The following PLXNC1 variants were observed in gnomAD, a reference collection of about 807,000 sequenced individuals.
The protein encoded by PLXNC1 is plexin-C1.
PLXNC1 carries 75 observed loss-of-function variants against 178.2 expected under a neutral mutation model. The observed-to-expected ratio is 0.42, with a 90% CI of 0.35 to 0.51. PLXNC1 has a LOEUF of 0.51. Ranked by LOEUF, PLXNC1 falls within the 20% of genes least tolerant of loss-of-function variation. PLXNC1 has a pLI of 0.02. For synonymous variants in PLXNC1, 790 were observed against 779.9 expected, an observed-to-expected ratio of 1.01 and a Z score of -0.22; for missense variants, 1,503 against 1,984.4, an observed-to-expected ratio of 0.76 and a Z score of 4.61.
intron 17 of PLXNC1, among the ~76,000 whole-genome samples, chr12:94,257,707 C>T (rs1424772952): frequency 5.9e-5 from 9 of 151,696 alleles, no homozygotes; most frequent in Admixed American, 3.9e-4. Flanking sequence ...GAGATCAAGA[C>T]CATCCTGGCT....
At chr12:94,210,526 T>C (rs1309915071) in intron 5 of PLXNC1, among the ~76,000 whole-genome samples, 3 of 152,202 alleles carry the variant, frequency 2.0e-5, no homozygotes, top group East Asian at 3.9e-4. Flanking sequence ...TGTGTTCTGT[T>C]TGAATGCCAT....
In PLXNC1 at chr12:94,150,045, C is replaced by G; in HGVS notation, c.1062+12C>G. 6.4e-7 allele frequency: 1 copy of G among 1,553,552 alleles called. No individual in the cohort carries two copies. Among genetic ancestry groups the G allele is most frequent in the South Asian group, 1.2e-5 (1 of 83,948 alleles). On this transcript the variant is annotated intron_variant, in intron 1 of 30. Coordinates refer to ENST00000258526, the MANE Select transcript of PLXNC1 (RefSeq NM_005761.3). ...CCGAGAGCCACTGCGTAAGTCCTGC[C>G]CCCGGGGCGCCGCGGAGAGCGCTGC...
In PLXNC1 at chr12:94,307,163, G is replaced by A. The variant is rs1969124691; in HGVS notation, c.*1878G>A. The A allele has an allele frequency of 6.6e-6, 1 of 152,158 alleles. No individual in the cohort carries two copies. 9.4% of individuals were successfully genotyped at this position (152,158 alleles called of 1,614,324 possible). A position where few individuals can be genotyped will look rare whatever the true frequency, so the allele number is the denominator to read the frequency against. ...GCTTTCTGGCACATGAGTCCTGTGT[G>A]GAGAGTTACCTCCTCTTCCAGGGAC... is the stretch of plus-strand genomic sequence containing the variant. On this transcript the variant is annotated 3_prime_UTR_variant, in exon 31 of 31. Coordinates refer to ENST00000258526, the MANE Select transcript of PLXNC1 (RefSeq NM_005761.3).
Position 94,243,359 on chromosome 12 carries a change from C to G in PLXNC1, c.2301-579C>G, listed in dbSNP as rs373619385. Among the ~76,000 whole-genome samples the G allele has an allele frequency of 5.3e-5, 8 of 152,350 alleles. 2 individuals are homozygous for G. Among genetic ancestry groups the G allele is most frequent in the African/African-American group, 1.7e-4 (7 of 41,586 alleles). ...ACCCAGTGACCGCTTTGCTTATATG[C>G]ACTGAGAAACGTGAAGTTATTTGGC... is the stretch of plus-strand genomic sequence containing the variant. On this transcript the variant is annotated intron_variant, in intron 11 of 30. Coordinates refer to ENST00000258526, the MANE Select transcript of PLXNC1 (RefSeq NM_005761.3).
chr12:94,156,790 C>T (rs898028216), intron 1 of PLXNC1, among the ~76,000 whole-genome samples: 1 of 150,978 alleles, frequency 6.6e-6, no homozygotes, highest in South Asian at 2.1e-4. Context: ...TTATTGCGGC[C>T]TCAAACTCTT....
chr12:94,237,851 C>G, intron 10 of PLXNC1, 48 bp downstream of exon 10: 1 of 1,589,812 alleles, frequency 6.3e-7, no homozygotes. Flanking sequence ...AACGCTCAAA[C>G]CTGTGCCAAA....
chr12:94,300,453 G>A (rs1404016855), intron 27 of PLXNC1, among the ~76,000 whole-genome samples: 1 of 152,146 alleles, frequency 6.6e-6, no homozygotes, highest in Non-Finnish European at 1.5e-5. Flanking sequence ...AGGAGAGTTG[G>A]AATGAGCGCG....
chr12:94,200,155 C>G (rs1199108048), intron 4 of PLXNC1, among the ~76,000 whole-genome samples: 1 of 152,218 alleles, frequency 6.6e-6, no homozygotes, highest in African/African-American at 2.4e-5. Flanking sequence ...CTCCGTGCTA[C>G]TTACCTGCAC....
chr12:94,193,300 T>A (rs1184269473), intron 4 of PLXNC1, among the ~76,000 whole-genome samples: 3 of 152,162 alleles, frequency 2.0e-5, no homozygotes, highest in Non-Finnish European at 4.4e-5. Flanking sequence ...TGAGAAGAGC[T>A]GGCAGATCAG....
In PLXNC1 at chr12:94,305,289, C is replaced by T; in HGVS notation, c.*4C>T. Reference sequence around the variant, plus strand: ...GAAGAAATGCAAGTGGATGTAAGCACTCTGGGGCCTGGCTTAATCTGGCAA... The same window carrying T: ...GAAGAAATGCAAGTGGATGTAAGCATTCTGGGGCCTGGCTTAATCTGGCAA... On this transcript the variant is annotated 3_prime_UTR_variant, in exon 31 of 31. Transcript: ENST00000258526. The T allele has an allele frequency of 6.3e-7, 1 of 1,575,422 alleles. No homozygotes were observed. The highest frequency in any genetic ancestry group is 8.7e-7 in the Non-Finnish European group (1 of 1,147,940).
At chr12:94,198,016 T>C (rs1366570859) in intron 4 of PLXNC1, among the ~76,000 whole-genome samples, 1 of 152,196 alleles carries the variant, frequency 6.6e-6, no homozygotes, top group African/African-American at 2.4e-5. Flanking sequence ...TCAGTCACTG[T>C]CCTAAGCACT....
At chr12:94,236,131 C>T (rs1421342364) in intron 9 of PLXNC1, among the ~76,000 whole-genome samples, 5 of 152,212 alleles carry the variant, frequency 3.3e-5, no homozygotes, top group African/African-American at 9.6e-5. Flanking sequence ...TAAAGTGACC[C>T]TTTCAGGCCC....
chr12:94,272,924 T>C (rs745340404), intron 21 of PLXNC1, among the ~76,000 whole-genome samples: 1 of 152,172 alleles, frequency 6.6e-6, no homozygotes, highest in African/African-American at 2.4e-5. Flanking sequence ...AGGGCATTCA[T>C]TGAGGCCTTC....
At chr12:94,262,744 A>T in intron 20 of PLXNC1, 4 of 985,532 alleles carry the variant, frequency 4.1e-6, no homozygotes, top group Non-Finnish European at 4.8e-6. Context: ...AGTGGGTGAC[A>T]GTAGCTCCGT....
At chr12:94,212,920 C>T (rs113416353) in intron 5 of PLXNC1, among the ~76,000 whole-genome samples, 25 of 152,028 alleles carry the variant, frequency 1.6e-4, no homozygotes, top group Admixed American at 5.2e-4. Context: ...GGGGTTTCAC[C>T]GTGTTGGCCA....
At chr12:94,282,551 G>A (rs573536366) in intron 23 of PLXNC1, 150 bp downstream of exon 23, 131 of 610,188 alleles carry the variant, frequency 2.1e-4, no homozygotes, top group Non-Finnish European at 3.4e-4. Context: ...TTCGTTGCTT[G>A]TGCAGACAAG....
chr12:94,162,198 G>C (rs1961410239), intron 1 of PLXNC1, among the ~76,000 whole-genome samples: 1 of 152,210 alleles, frequency 6.6e-6, no homozygotes, highest in African/African-American at 2.4e-5. Flanking sequence ...GTGTCCACGA[G>C]TAGGTGACAT....
At chr12:94,253,375 T>C (rs1048491140) in intron 15 of PLXNC1, among the ~76,000 whole-genome samples, 1 of 152,172 alleles carries the variant, frequency 6.6e-6, no homozygotes, top group African/African-American at 2.4e-5. Flanking sequence ...CTTATGTTCA[T>C]TGAGCACCTG....
chr12:94,297,209 C>T lies in PLXNC1; in HGVS notation c.3955C>T (p.His1319Tyr). ...TTCAGATGTGGAGTACTCGGATGAC[C>T]ACTGCCATTTGGTGAGTTCAGGCTT... ...FTSDVEYSDD[H>Y]CHLILPDSEA... The change falls in exon 25 of 31, where the codon CAC becomes TAC. Residue 1319 changes from histidine to tyrosine, a missense_variant. Around this residue, in one of 4 missense-constraint regions of PLXNC1, gnomAD observed 639 missense variants for 979.7 expected, o/e 0.65. Coordinates refer to ENST00000258526, the MANE Select transcript of PLXNC1 (RefSeq NM_005761.3). The T allele has an allele frequency of 6.2e-7, 1 of 1,614,032 alleles. No homozygotes were observed. The highest frequency in any genetic ancestry group is 8.5e-7 in the Non-Finnish European group (1 of 1,179,984).
Sources: allele counts gnomAD v4.1 joint callset (sites outside exome capture counted in the v4.1 genomes callset), GRCh38; gene constraint gnomAD v4.1.1; regional missense constraint gnomAD v4.1.1; transcripts MANE v1.5; gene names NCBI Gene and HGNC (gene_info 2026-07-23, HGNC 2026-07-21).